Variants in ASB2 observed in about 807,000 individuals in gnomAD.
ASB2 encodes the protein ankyrin repeat and SOCS box containing 2.
In ASB2, 58 loss-of-function variants were observed where a neutral mutation model predicts 62.4. The observed-to-expected ratio is 0.93, with a 90% confidence interval of 0.75 to 1.16. The LOEUF (loss-of-function observed/expected upper bound fraction) is 1.16. Ranked by LOEUF, ASB2 falls within the 50% of genes most tolerant of loss-of-function variation. The pLI is 0.00. For synonymous variants in ASB2, 386 were observed against 385.3 expected (o/e 1.00, Z -0.02); for missense variants, 928 against 887.9 (o/e 1.05, Z -0.57).
intron 2 of ASB2, among the ~76,000 whole-genome samples, chr14:93,957,873 G>A (rs1015629274): frequency 8.5e-5 from 13 of 152,164 alleles, no homozygotes; most frequent in African/African-American, 3.1e-4. Context: ...TGGCACTCTC[G>A]ACACCCCAGT....
In ASB2 at chr14:93,947,421, C is replaced by A. The variant is rs771795075; in HGVS notation, c.980G>T (p.Gly327Val). Residue 327 changes from glycine to valine, a missense_variant, in exon 7 of 10, where the codon GGT becomes GTT. By Grantham distance (109) the Gly-to-Val change is moderately radical. Transcript: ENST00000555019. Reference protein sequence around the residue: ...EEVVEFLLSQGADANKTNKDG... With the variant: ...EEVVEFLLSQVADANKTNKDG... Reference sequence around the variant, plus strand: ...CTTGTTGGTCTTGTTGGCGTCGGCACCCTGTGACAGCAGAAACTCCACCAC... The same window carrying A: ...CTTGTTGGTCTTGTTGGCGTCGGCAACCTGTGACAGCAGAAACTCCACCAC... 6.2e-6 allele frequency: 10 copies of A among 1,614,116 alleles called. No homozygotes were observed. In the East Asian group the frequency reaches 1.8e-4, roughly 29 times the overall value.
intron 7 of ASB2, chr14:93,943,742 C>T (rs1337887339): frequency 6.1e-6 from 2 of 326,778 alleles, no homozygotes; most frequent in Non-Finnish European, 1.2e-5. Context: ...TTCACTGTGC[C>T]ACCCTGACTT....
chr14:93,953,634 G>T, intron 4 of ASB2, 127 bp from the exon 5 acceptor site: 1 of 837,018 alleles, frequency 1.2e-6, no homozygotes, highest in Non-Finnish European at 1.8e-6. Context: ...ACCAACTACA[G>T]ACTGCATTCA....
chr14:93,957,744 T>G (rs1270071179), intron 2 of ASB2, among the ~76,000 whole-genome samples: 2 of 152,106 alleles, frequency 1.3e-5, no homozygotes, highest in Non-Finnish European at 2.9e-5. Flanking sequence ...CAGGCTCCTG[T>G]GAGGGTGGAA....
chr14:93,975,146 C>T (rs1351204697), intron 1 of ASB2, among the ~76,000 whole-genome samples: 1 of 152,232 alleles, frequency 6.6e-6, no homozygotes, highest in Non-Finnish European at 1.5e-5. Context: ...GGCGGGGGTG[C>T]TGGCCCCAGC....
intron 7 of ASB2, among the ~76,000 whole-genome samples, chr14:93,944,853 T>C (rs2141281231): frequency 6.6e-6 from 1 of 152,310 alleles, no homozygotes; most frequent in South Asian, 2.1e-4. Context: ...TCTCTGATCA[T>C]CCGCAAGGCC....
intron 1 of ASB2, among the ~76,000 whole-genome samples, chr14:93,974,799 G>A (rs10147943): frequency 0.67 from 102,007 of 152,202 alleles, 35,991 homozygotes; most frequent in East Asian, 0.98. Context: ...ACCGAAGTCA[G>A]TGAGAGAAAT....
chr14:93,974,384 C>A (rs1036074440), intron 1 of ASB2, among the ~76,000 whole-genome samples: 5 of 152,202 alleles, frequency 3.3e-5, no homozygotes, highest in Non-Finnish European at 7.3e-5. Flanking sequence ...GAAAGAGAAC[C>A]ACAGACACAA....
chr14:93,959,147 G>A (rs921403509), intron 2 of ASB2, among the ~76,000 whole-genome samples: 2 of 152,208 alleles, frequency 1.3e-5, no homozygotes, highest in Non-Finnish European at 2.9e-5. Context: ...CAGACAGACT[G>A]AGTTCCATTC....
intron 1 of ASB2, among the ~76,000 whole-genome samples, chr14:93,975,160 C>G (rs964409529): frequency 6.6e-6 from 1 of 152,244 alleles, no homozygotes; most frequent in South Asian, 2.1e-4. Flanking sequence ...CCCCAGCTGG[C>G]TCTGCCTGCG....
chr14:93,958,489 C>T (rs753654174), intron 2 of ASB2, among the ~76,000 whole-genome samples: 3 of 152,212 alleles, frequency 2.0e-5, no homozygotes, highest in Admixed American at 6.5e-5. Flanking sequence ...CTGACTGTCC[C>T]TGTGACTTTG....
rs1363974222 is a variant in ASB2, at chr14:93,953,509, T to A, written c.479-2A>T. 6.4e-7 allele frequency: 1 copy of A among 1,569,494 alleles called. No homozygotes were observed. Among genetic ancestry groups the A allele is most frequent in the Admixed American group, 1.8e-5 (1 of 55,922 alleles). On this transcript the variant is annotated splice_acceptor_variant, in intron 4 of 9. Transcript: ENST00000555019. LOFTEE classifies it high-confidence loss of function. Reference sequence around the variant, plus strand: ...GCTGGTCGATGGTCCCTGGGTACGCTAGGGAGGGCCCACCGGGAAATTCAT... The same window carrying A: ...GCTGGTCGATGGTCCCTGGGTACGCAAGGGAGGGCCCACCGGGAAATTCAT...
At chr14:93,961,397 C>T (rs538214954) in intron 2 of ASB2, among the ~76,000 whole-genome samples, 46 of 152,366 alleles carry the variant, frequency 3.0e-4, no homozygotes, top group South Asian at 6.2e-4. Context: ...CCCATTCACT[C>T]ATTCACAGAT....
At chr14:93,956,050 C>G (rs761971300) in intron 3 of ASB2, among the ~76,000 whole-genome samples, 1 of 152,330 alleles carries the variant, frequency 6.6e-6, no homozygotes, top group Admixed American at 6.5e-5. Context: ...GGCCAATTGC[C>G]TCCTCCCTTC....
rs536002850 is a variant in ASB2 at position 93,934,757 on chromosome 14, G to A, written c.1807C>T (p.Arg603Trp). Reference protein sequence around the residue: ...PRPLAHLCRLRVRKAIGKYRI... With the variant: ...PRPLAHLCRLWVRKAIGKYRI... ...TATTTCCCAATGGCCTTTCGAACCC[G>A]CAGTCGGCAAAGGTGAGCCAGAGGT... is the stretch of plus-strand genomic sequence containing the variant. The change falls in exon 10 of 10, where the codon CGG (arginine) becomes TGG (tryptophan). Residue 603 changes from arginine to tryptophan, a missense_variant. Transcript: ENST00000555019. The A allele has an allele frequency of 1.4e-5, 23 of 1,613,034 alleles. No homozygotes were observed. Among genetic ancestry groups the A allele is most frequent in the Middle Eastern group, 1.6e-4 (1 of 6,084 alleles).
chr14:93,937,807 C>T lies in ASB2; in HGVS notation c.1662G>A (p.Gly554=), dbSNP rs753414632. ...AGTCCAGGAGGACATCGATGATGGG[C>T]CCCGCCCAGCGGCTCACCTCTGGGG... ...VSAPEVSRWA[G]PIIDVLLDYV... The change falls in exon 9 of 10, where the codon GGG becomes GGA. Residue 554 remains glycine (G), a synonymous_variant. Coordinates refer to ENST00000555019, the MANE Select transcript of ASB2 (RefSeq NM_001202429.2). 15 of 1,610,752 alleles carry T rather than the reference C, an allele frequency of 9.3e-6. 1 individual carries two copies. In the South Asian group the frequency reaches 1.3e-4, roughly 14 times the overall value.
At chr14:93,957,215 C>T in intron 2 of ASB2, 2 of 1,265,006 alleles carry the variant, frequency 1.6e-6, no homozygotes, top group East Asian at 7.5e-5. Flanking sequence ...AGGATGTGAG[C>T]CGTGGTCGGC....
chr14:93,953,389 G>T lies in ASB2; in HGVS notation c.597C>A (p.Asp199Glu). The stretch of plus-strand genomic sequence containing the variant: ...GTGTCTCTCGGGATTTGTTGGAGAT[G>T]TCCGGCTCTGCCCCTGCTTGGAGCA... The part of the protein sequence containing the change: ...LSLLQAGAEP[D>E]ISNKSRETPL... Residue 199 changes from aspartate (D) to glutamate (E), a missense_variant, in exon 5 of 10, where the codon GAC becomes GAA. Physicochemically the swap from Asp to Glu is conservative, Grantham distance 45 (BLOSUM62 2). Transcript: ENST00000555019. 1 of 1,599,516 alleles carries T rather than the reference G, an allele frequency of 6.3e-7. No individual in the cohort carries two copies. The highest frequency in any genetic ancestry group is 8.6e-7 in the Non-Finnish European group (1 of 1,168,388).
At position 93,939,455 on chromosome 14, in the gene ASB2, C is replaced by G. The variant is rs1263065633; in HGVS notation, c.1270G>C (p.Val424Leu). The G allele has an allele frequency of 6.2e-7, 1 of 1,612,372 alleles. No individual in the cohort carries two copies. The change falls in exon 8 of 10, where the codon GTG (valine) becomes CTG (leucine). Residue 424 changes from valine (V) to leucine (L), a missense_variant. Val to Leu is a conservative substitution (Grantham distance 32). Transcript: ENST00000555019. ...ALYFAVVNNN[V>L]YATELLLQHG... ...TGCAGCAGCAGCTCGGTGGCGTACACGTTGTTGTTGACCACCGCGAAGTAC... is the reference window on the plus strand; with the variant it reads ...TGCAGCAGCAGCTCGGTGGCGTACAGGTTGTTGTTGACCACCGCGAAGTAC...
Sources: allele counts gnomAD v4.1 joint callset (sites outside exome capture counted in the v4.1 genomes callset), GRCh38; gene constraint gnomAD v4.1.1; transcripts MANE v1.5; gene names NCBI Gene and HGNC (gene_info 2026-07-23, HGNC 2026-07-21).